The following TEX9 variants were observed in gnomAD, a reference collection of about 807,000 sequenced individuals.
TEX9 encodes the protein testis-expressed protein 9.
Under a neutral mutation model 59.6 loss-of-function variants are expected in TEX9, and 74 were observed. The ratio of observed to expected loss-of-function variants is 1.24; its 90% CI spans 1.03 to 1.51. The LOEUF (loss-of-function observed/expected upper bound fraction) is 1.51. TEX9 is among the 40% of genes most tolerant of loss of function. The pLI is 0.00. For synonymous variants in TEX9, 186 were observed against 152.2 expected (o/e 1.22, Z -1.64); for missense variants, 522 against 447.8 (o/e 1.17, Z -1.49).
At chr15:56,370,557 A>G (rs1567103630) in intron 2 of TEX9, among the ~76,000 whole-genome samples, 1 of 152,222 alleles carries the variant, frequency 6.6e-6, no homozygotes, top group Non-Finnish European at 1.5e-5. Context: ...TCAGCCCATT[A>G]AAGATATCCT....
intron 1 of TEX9, among the ~76,000 whole-genome samples, chr15:56,261,222 A>G (rs1367552117): frequency 6.6e-6 from 1 of 151,922 alleles, no homozygotes; most frequent in African/African-American, 2.4e-5. Context: ...TATTTCATCA[A>G]TTATTGTTTT....
At chr15:56,458,935 A>G in the TEX9 span, among the ~76,000 whole-genome samples, 176 of 152,326 alleles carry the variant, frequency 1.2e-3, no homozygotes, top group African/African-American at 3.9e-3. Flanking sequence ...TATGGCAGCT[A>G]TAAAGCTGCC....
chr15:56,318,324 A>G (rs1243498996), intron 1 of TEX9, among the ~76,000 whole-genome samples: 3 of 151,992 alleles, frequency 2.0e-5, no homozygotes, highest in Non-Finnish European at 2.9e-5. Context: ...AGCTGCTCCA[A>G]TTCTTTTTTG....
intron 12 of TEX9, chr15:56,429,200 GA>G: frequency 6.4e-7 from 1 of 1,565,946 alleles, no homozygotes. Flanking sequence ...CTCCCTACGA[GA>G]AAAATACTTT....
At chr15:56,451,052 C>G in the TEX9 span, among the ~76,000 whole-genome samples, 1 of 152,064 alleles carries the variant, frequency 6.6e-6, no homozygotes. Flanking sequence ...CGTCTAAGTT[C>G]TTTGTTCATT....
chr15:56,285,100 A>G (rs1285193142), intron 1 of TEX9, among the ~76,000 whole-genome samples: 4 of 151,844 alleles, frequency 2.6e-5, no homozygotes, highest in African/African-American at 4.8e-5. Flanking sequence ...TTTGCTCTTT[A>G]TGCCTTTCGT....
At chr15:56,301,545 A>G (rs546813048) in intron 1 of TEX9, among the ~76,000 whole-genome samples, 1 of 152,228 alleles carries the variant, frequency 6.6e-6, no homozygotes, top group Admixed American at 6.5e-5. Flanking sequence ...AAGCAGCAAG[A>G]GAAAAAAAAA....
chr15:56,382,959 G>C (rs1447703945), intron 3 of TEX9, among the ~76,000 whole-genome samples: 1 of 152,118 alleles, frequency 6.6e-6, no homozygotes, highest in Non-Finnish European at 1.5e-5. Context: ...ACTAGGATTT[G>C]CCTAGAAAAT....
the TEX9 span, among the ~76,000 whole-genome samples, chr15:56,460,005 A>ATATATATATATATATATATATATATAT: frequency 3.3e-5 from 1 of 30,536 alleles, no homozygotes; most frequent in African/African-American, 1.2e-4. Flanking sequence ...AAAAAAAAAA[A>ATATATATATATATATATATATATATAT]AAAAATACAT....
chr15:56,428,586 G>C, intron 12 of TEX9: 1 of 566,854 alleles, frequency 1.8e-6, no homozygotes, highest in East Asian at 2.9e-5. Flanking sequence ...TCCCTTTTTA[G>C]ATTTAGGAGA....
At chr15:56,287,574 C>G (rs975970777) in intron 1 of TEX9, among the ~76,000 whole-genome samples, 1 of 151,992 alleles carries the variant, frequency 6.6e-6, no homozygotes, top group Non-Finnish European at 1.5e-5. Flanking sequence ...TTCAAATATA[C>G]AATATATTGT....
At chr15:56,249,238 G>C (rs1364179019) in intron 1 of TEX9, 1 of 152,068 alleles carries the variant, frequency 6.6e-6, no homozygotes, top group Non-Finnish European at 1.5e-5. Flanking sequence ...TGTGTTACTA[G>C]GCAGAAAGTT....
intron 9 of TEX9, among the ~76,000 whole-genome samples, chr15:56,401,851 G>A (rs1246862495): frequency 6.6e-6 from 1 of 152,112 alleles, no homozygotes; most frequent in Non-Finnish European, 1.5e-5. Context: ...ACAACTACAT[G>A]GAAACAGAAC....
chr15:56,448,782 C>G (rs2050926989), downstream of TEX9, among the ~76,000 whole-genome samples: 1 of 128,418 alleles, frequency 7.8e-6, no homozygotes, highest in Admixed American at 9.4e-5. Flanking sequence ...GAGACGGAGT[C>G]TCGCTCTGTC....
intron 1 of TEX9, among the ~76,000 whole-genome samples, chr15:56,318,800 A>T (rs1383671038): frequency 6.6e-6 from 1 of 152,108 alleles, no homozygotes; most frequent in Non-Finnish European, 1.5e-5. Context: ...ATTTGCTCCG[A>T]TATAGCTCCA....
downstream of TEX9, among the ~76,000 whole-genome samples, chr15:56,449,325 T>C (rs2050931915): frequency 6.6e-6 from 1 of 152,120 alleles, no homozygotes; most frequent in East Asian, 1.9e-4. Context: ...CTACACTCTT[T>C]TTATTAAATC....
intron 1 of TEX9, among the ~76,000 whole-genome samples, chr15:56,346,071 C>T (rs1366958517): frequency 1.3e-5 from 2 of 152,182 alleles, no homozygotes; most frequent in African/African-American, 2.4e-5. Context: ...TTAATATAAA[C>T]ATTGCCTGCT....
At chr15:56,279,177 A>T (rs1227966357) in intron 1 of TEX9, among the ~76,000 whole-genome samples, 1 of 152,194 alleles carries the variant, frequency 6.6e-6, no homozygotes, top group Non-Finnish European at 1.5e-5. Context: ...TGGTGTTTGC[A>T]TACAGAAATG....
intron 1 of TEX9, among the ~76,000 whole-genome samples, chr15:56,262,723 G>T (rs531637270): frequency 3.3e-5 from 5 of 152,126 alleles, no homozygotes; most frequent in Non-Finnish European, 5.9e-5. Context: ...CACTGATTAA[G>T]ATTTTGTCTG....
Sources: gnomAD v4.1 joint callset for allele counts (sites outside exome capture counted in the v4.1 genomes callset) on GRCh38, gnomAD v4.1.1 for gene constraint, MANE v1.5 for transcripts, NCBI Gene and HGNC (gene_info 2026-07-23, HGNC 2026-07-21) for gene names.